The following RNPEP variants were observed in gnomAD, a reference collection of about 807,000 sequenced individuals.
RNPEP encodes aminopeptidase B.
RNPEP carries 57 observed loss-of-function variants against 70.1 expected under a neutral mutation model. The ratio of observed to expected loss-of-function variants is 0.81; its 90% CI spans 0.66 to 1.01. The LOEUF is 1.01. Among genes scored for constraint, RNPEP ranks in the 50% least tolerant of loss-of-function variants. The pLI, the probability that RNPEP is intolerant of heterozygous loss-of-function variation, is 0.00. For synonymous variants in RNPEP, 335 were observed against 357.4 expected, an observed-to-expected ratio of 0.94 and a Z score of 0.71; for missense variants, 787 against 852.4, an observed-to-expected ratio of 0.92 and a Z score of 0.96.
At chr1:202,001,080 A>G (rs1222408906) in intron 6 of RNPEP, 2 of 362,358 alleles carry the variant, frequency 5.5e-6, no homozygotes, top group East Asian at 1.2e-4. Context: ...CTCTGTCTTC[A>G]TATTAGATCC....
chr1:202,004,572 C>T, intron 10 of RNPEP, 76 bp downstream of exon 10: 1 of 1,554,820 alleles, frequency 6.4e-7, no homozygotes, highest in South Asian at 1.2e-5. Context: ...ATCATGTGGG[C>T]AGGGCTCATC....
Position 201,999,994 on chromosome 1 carries a change from C to T in RNPEP, c.1183C>T (p.Leu395Phe). Reference protein sequence around the residue: ...ITGEENPLNKLRVKIEPGVDP... With the variant: ...ITGEENPLNKFRVKIEPGVDP... ...TGGAGAGGAAAACCCACTCAACAAG[C>T]TCCGCGTGAAGATTGAACCAGGTCC... Residue 395 changes from leucine (L) to phenylalanine (F), a missense_variant, in exon 6 of 11, where the codon CTC becomes TTC. By Grantham distance (22) the Leu-to-Phe change is conservative (BLOSUM62 0). Transcript: ENST00000295640. 6.2e-7 allele frequency: 1 copy of T among 1,613,746 alleles called. No individual in the cohort carries two copies.
At chr1:202,002,211 T>G (rs1251420417) in intron 8 of RNPEP, among the ~76,000 whole-genome samples, 1 of 151,164 alleles carries the variant, frequency 6.6e-6, no homozygotes, top group Non-Finnish European at 1.5e-5. Context: ...TTGCCCAGGC[T>G]GGAGTGCAAT....
At chr1:201,983,550 A>G in intron 1 of RNPEP, 1 of 1,311,838 alleles carries the variant, frequency 7.6e-7, no homozygotes, top group Non-Finnish European at 1.0e-6. Flanking sequence ...TCTCTGCTTT[A>G]TGGTGGCTCT....
chr1:202,005,722 C>T lies in RNPEP; in HGVS notation c.*6C>T, dbSNP rs771192673. 16 of 1,613,834 alleles carry T rather than the reference C, an allele frequency of 9.9e-6. No homozygotes were observed. Among genetic ancestry groups the T allele is most frequent in the East Asian group, 4.5e-5 (2 of 44,886 alleles). On this transcript the variant is annotated 3_prime_UTR_variant, in exon 11 of 11. Coordinates refer to ENST00000295640, the MANE Select transcript of RNPEP (RefSeq NM_020216.4). ...TGGCACCCAAGGGCAGTTAGAGGCT[C>T]GTGTGCATGGCCCCTGCCTCTTCAG...
chr1:201,990,080 G>A (rs1023434421), intron 3 of RNPEP, among the ~76,000 whole-genome samples: 3 of 152,144 alleles, frequency 2.0e-5, no homozygotes, highest in Non-Finnish European at 2.9e-5. Flanking sequence ...CCTGACCTCA[G>A]GTGATTCACC....
In RNPEP at chr1:201,984,821, C is replaced by CTTTTTTTT. The variant is rs200795347; in HGVS notation, c.447+1737_447+1744dup. 8.0e-4 allele frequency among the ~76,000 whole-genome samples: 98 copies of CTTTTTTTT among 121,966 alleles called. 3 individuals carry two copies. The highest frequency in any genetic ancestry group is 1.7e-3 in the East Asian group (7 of 4,188). The allele number at this position is 121,966 out of a possible 152,430, so 80.0% of individuals were successfully genotyped here. ...TTACTGCTAACTTTTGTATTTCTTT[C>CTTTTTTTT]TTTTTTTTTTTTTTTTTTTTTTTTT... On this transcript the variant is annotated intron_variant, in intron 1 of 10. Transcript: ENST00000295640.
At chr1:201,999,216 C>CAAA (rs57370049) in intron 5 of RNPEP, among the ~76,000 whole-genome samples, 3 of 117,678 alleles carry the variant, frequency 2.5e-5, no homozygotes, top group Non-Finnish European at 5.5e-5. Flanking sequence ...GACTCTGTCT[C>CAAA]AAAAAAAAAA....
chr1:201,999,358 G>A (rs1397870892), intron 5 of RNPEP, among the ~76,000 whole-genome samples: 2 of 152,060 alleles, frequency 1.3e-5, no homozygotes, highest in Non-Finnish European at 2.9e-5. Flanking sequence ...GGCCAACGTG[G>A]TAAAGCCCCC....
rs758625750 is a variant in RNPEP, at chr1:201,997,548, C to G, written c.1084C>G (p.Leu362Val). Reference protein sequence around the residue: ...MYAQRRISTILFGAAYTCLEA... With the variant: ...MYAQRRISTIVFGAAYTCLEA... ...CGCCCAGAGGAGGATCTCCACCATC[C>G]TCTTTGGTAAAGTGCCCACCCCTCT... Residue 362 changes from leucine (L) to valine (V), a missense_variant, in exon 5 of 11, where the codon CTC becomes GTC. By Grantham distance (32) the Leu-to-Val change is conservative. Transcript: ENST00000295640. The G allele has an allele frequency of 6.2e-6, 10 of 1,612,470 alleles. No individual in the cohort carries two copies. The highest frequency in any genetic ancestry group is 8.5e-7 in the Non-Finnish European group (1 of 1,178,652).
intron 1 of RNPEP, among the ~76,000 whole-genome samples, chr1:201,988,021 T>A (rs1683192469): frequency 1.3e-5 from 2 of 151,416 alleles, no homozygotes; most frequent in South Asian, 4.2e-4. Flanking sequence ...ATGCCTATAA[T>A]CCCAGCTACT....
In RNPEP at chr1:201,984,821, C is replaced by CTTTTTTTTTTTTTTTTT. The variant is rs200795347; in HGVS notation, c.447+1728_447+1744dup. 8.2e-5 allele frequency among the ~76,000 whole-genome samples: 10 copies of CTTTTTTTTTTTTTTTTT among 122,038 alleles called. 3 individuals are homozygous for CTTTTTTTTTTTTTTTTT. The highest frequency in any genetic ancestry group is 1.5e-4 in the Non-Finnish European group (9 of 58,990). 80.1% of individuals were successfully genotyped at this position (122,038 alleles called of 152,430 possible). A position where few individuals can be genotyped will look rare whatever the true frequency, so the allele number is the denominator to read the frequency against. On this transcript the variant is annotated intron_variant, in intron 1 of 10. Coordinates refer to ENST00000295640, the MANE Select transcript of RNPEP (RefSeq NM_020216.4). Reference sequence around the variant, plus strand: ...TTACTGCTAACTTTTGTATTTCTTTCTTTTTTTTTTTTTTTTTTTTTTTTT... The same window carrying CTTTTTTTTTTTTTTTTT: ...TTACTGCTAACTTTTGTATTTCTTTCTTTTTTTTTTTTTTTTTTTTTTTTTTTTTTTTTTTTTTTTTT...
Position 201,982,862 on chromosome 1 carries a change from G to T in RNPEP, c.196G>T (p.Asp66Tyr), listed in dbSNP as rs1256657177. The T allele has an allele frequency of 5.0e-6, 7 of 1,389,286 alleles. No homozygotes were observed. The highest frequency in any genetic ancestry group is 6.5e-6 in the Non-Finnish European group (7 of 1,076,900). The allele number at this position is 1,389,286 out of a possible 1,614,324, so 86.1% of individuals were successfully genotyped here. A position where few individuals can be genotyped will look rare whatever the true frequency, so the allele number is the denominator to read the frequency against. ...SRGLSGTAVL[D>Y]LRCLEPEGAA... is the part of the protein sequence containing the mutation. The stretch of plus-strand genomic sequence containing the variant: ...GGGGCTGAGCGGCACCGCGGTCCTG[G>T]ACCTGCGCTGCCTGGAGCCCGAGGG... The change falls in exon 1 of 11, where the codon GAC (aspartate) becomes TAC (tyrosine). Residue 66 changes from aspartate to tyrosine, a missense_variant. Physicochemically the swap from Asp to Tyr is radical, Grantham distance 160 (BLOSUM62 -3). Coordinates refer to ENST00000295640, the MANE Select transcript of RNPEP (RefSeq NM_020216.4).
At chr1:202,001,570 T>TG in intron 7 of RNPEP, 82 bp downstream of exon 7, 1 of 1,429,994 alleles carries the variant, frequency 7.0e-7, no homozygotes, top group Non-Finnish European at 9.9e-7. Context: ...GGGCGAAAGA[T>TG]GTAAGGGGTT....
intron 3 of RNPEP, 198 bp from the exon 4 acceptor site, chr1:201,995,949 T>C (rs1437740920): frequency 1.8e-6 from 1 of 570,854 alleles, no homozygotes; most frequent in Admixed American, 3.3e-5. Context: ...CATGAGGCTG[T>C]CTTGGGTTCT....
At chr1:201,996,749 C>CCCAAAGTGCTGG (rs1372254178) in intron 4 of RNPEP, among the ~76,000 whole-genome samples, 1 of 152,066 alleles carries the variant, frequency 6.6e-6, no homozygotes, top group East Asian at 1.9e-4. Context: ...CCACCTTGGT[C>CCCAAAGTGCTGG]CCAAAGTGCT....
chr1:201,997,741 A>T (rs1043626911), intron 5 of RNPEP, among the ~76,000 whole-genome samples, 187 bp downstream of exon 5: 6 of 150,844 alleles, frequency 4.0e-5, no homozygotes, highest in Non-Finnish European at 8.8e-5. Flanking sequence ...ACTTTTTTTT[A>T]AAAAAACATT....
chr1:201,995,568 G>A (rs1683515575), intron 3 of RNPEP: 1 of 152,326 alleles, frequency 6.6e-6, no homozygotes, highest in Admixed American at 6.5e-5. Flanking sequence ...TGTAGTCCTA[G>A]CTACTGGGGT....
rs562728961 is a variant in RNPEP at position 202,003,035 on chromosome 1, G to A, written c.1427-202G>A. The A allele has an allele frequency of 3.6e-5, 20 of 553,616 alleles. No homozygotes were observed. In the East Asian group the frequency reaches 3.9e-4, roughly 11 times the overall value. 34.3% of individuals were successfully genotyped at this position (553,616 alleles called of 1,614,324 possible). On this transcript the variant is annotated intron_variant, in intron 8 of 10. Coordinates refer to ENST00000295640, the MANE Select transcript of RNPEP (RefSeq NM_020216.4). ...AATTTGGAGCGAAAAGCACTTTCAC[G>A]GTCGAAACGGCACAGTCTCTAGATG...
Sources: allele counts gnomAD v4.1 joint callset (sites outside exome capture counted in the v4.1 genomes callset), GRCh38; gene constraint gnomAD v4.1.1; transcripts MANE v1.5; gene names NCBI Gene and HGNC (gene_info 2026-07-23, HGNC 2026-07-21).